CRH: variants seen among roughly 807,000 people sequenced by gnomAD.
CRH encodes the protein corticotropin-releasing hormone.
CRH carries 6 observed loss-of-function variants against 11.1 expected under a neutral mutation model. The observed-to-expected ratio is 0.54, with a 90% CI of 0.30 to 1.07. CRH has a LOEUF of 1.07. Among genes scored for constraint, CRH ranks in the 50% least tolerant of loss-of-function variants. The probability of loss-of-function intolerance (pLI) is 0.07; values close to 1 mark genes in which losing one functional copy is unlikely to be tolerated. For synonymous variants in CRH, 155 were observed against 132.0 expected (o/e 1.17, Z -1.19); for missense variants, 289 against 269.4 (o/e 1.07, Z -0.51).
chr8:66,176,776 C>T lies in CRH; in HGVS notation c.*111G>A. 7.5e-7 allele frequency: 1 copy of T among 1,337,676 alleles called. No homozygotes were observed. Among genetic ancestry groups the T allele is most frequent in the Non-Finnish European group, 9.9e-7 (1 of 1,011,760 alleles). 82.9% of individuals were successfully genotyped at this position (1,337,676 alleles called of 1,614,324 possible). ...TCCCTCTCTCCCTCTATGTTTCAAGCTATATAAAAATAAACAAATGGCATA... is the reference window on the plus strand; with the variant it reads ...TCCCTCTCTCCCTCTATGTTTCAAGTTATATAAAAATAAACAAATGGCATA... On this transcript the variant is annotated 3_prime_UTR_variant, in exon 2 of 2. Transcript: ENST00000276571.
chr8:66,176,759 TC>T lies in CRH; in HGVS notation c.*127del. 8.3e-7 allele frequency: 1 copy of T among 1,207,324 alleles called. No homozygotes were observed. Among genetic ancestry groups the T allele is most frequent in the Non-Finnish European group, 1.1e-6 (1 of 900,316 alleles). The allele number at this position is 1,207,324 out of a possible 1,614,324, so 74.8% of individuals were successfully genotyped here. Reference sequence around the variant, plus strand: ...AAGGGGTATAGGCTCTCTCCCTCTCTCCCTCTATGTTTCAAGCTATATAAAA... The same window carrying T: ...AAGGGGTATAGGCTCTCTCCCTCTCTCCTCTATGTTTCAAGCTATATAAAA... On this transcript the variant is annotated 3_prime_UTR_variant, in exon 2 of 2. Transcript: ENST00000276571.
rs898499420 is a variant in CRH, at chr8:66,178,454, C to T, written c.-176G>A. 3 of 152,234 alleles carry T rather than the reference C, an allele frequency of 2.0e-5. No homozygotes were observed. Among genetic ancestry groups the T allele is most frequent in the Non-Finnish European group, 4.4e-5 (3 of 68,070 alleles). 9.4% of individuals were successfully genotyped at this position (152,234 alleles called of 1,614,324 possible). A position where few individuals can be genotyped will look rare whatever the true frequency, so the allele number is the denominator to read the frequency against. The stretch of plus-strand genomic sequence containing the variant: ...CTCAGTCTCTCAATGGACTTGGTCT[C>T]TGAGTTTCTCCACTCCAGAGCCTGG... On this transcript the variant is annotated 5_prime_UTR_variant, in exon 1 of 2. Coordinates refer to ENST00000276571, the MANE Select transcript of CRH (RefSeq NM_000756.4).
At chr8:66,178,113 C>T (rs536432570) in intron 1 of CRH, among the ~76,000 whole-genome samples, 180 bp downstream of exon 1, 1 of 152,220 alleles carries the variant, frequency 6.6e-6, no homozygotes, top group African/African-American at 2.4e-5. Flanking sequence ...CACACACACA[C>T]GCACGCACGC....
chr8:66,177,452 G>T lies in CRH; in HGVS notation c.26C>A (p.Ala9Glu). The T allele has an allele frequency of 6.5e-7, 1 of 1,537,566 alleles. No individual in the cohort carries two copies. Residue 9 changes from alanine (A) to glutamate (E), a missense_variant, in exon 2 of 2, where the codon GCG becomes GAG. Physicochemically the swap from Ala to Glu is moderately radical, Grantham distance 107. Coordinates refer to ENST00000276571, the MANE Select transcript of CRH (RefSeq NM_000756.4). MRLPLLVS[A>E]GVLLVALLPC... Reference sequence around the variant, plus strand: ...CAGGAGAGCCACCAGCAGGACTCCCGCGGACACAAGCAGCGGCAGCCGCAT... The same window carrying T: ...CAGGAGAGCCACCAGCAGGACTCCCTCGGACACAAGCAGCGGCAGCCGCAT...
In CRH at chr8:66,177,088, C is replaced by A. The variant is rs543848155; in HGVS notation, c.390G>T (p.Ala130=). 13 of 1,595,676 alleles carry A rather than the reference C, an allele frequency of 8.1e-6. No homozygotes were observed. The South Asian group carries it at 1.0e-4, about 12-fold the overall frequency. ...TCCTAGCGCCGCGCTCCGCGAGAGC[C>A]GCGGGGCTGTCGAGCGAGCGCCGAG... ...LLPRRSLDSP[A]ALAERGARNA... The change falls in exon 2 of 2, where the codon GCG becomes GCT. Residue 130 remains alanine, a synonymous_variant. Coordinates refer to ENST00000276571, the MANE Select transcript of CRH (RefSeq NM_000756.4).
At position 66,177,076 on chromosome 8, in the gene CRH, C is replaced by A. The variant is rs761349409; in HGVS notation, c.402G>T (p.Glu134Asp). ...RSLDSPAALA[E>D]RGARNALGGH... The stretch of plus-strand genomic sequence containing the variant: ...CGCCGAGGGCATTCCTAGCGCCGCG[C>A]TCCGCGAGAGCCGCGGGGCTGTCGA... The change falls in exon 2 of 2, where the codon GAG (glutamate) becomes GAT (aspartate). Residue 134 changes from glutamate to aspartate, a missense_variant. Glu to Asp is a conservative substitution (Grantham distance 45, BLOSUM62 2). Coordinates refer to ENST00000276571, the MANE Select transcript of CRH (RefSeq NM_000756.4). 1 of 1,603,814 alleles carries A rather than the reference C, an allele frequency of 6.2e-7. No homozygotes were observed. The highest frequency in any genetic ancestry group is 8.5e-7 in the Non-Finnish European group (1 of 1,174,390).
At chr8:66,178,073 A>C (rs73693933) in intron 1 of CRH, among the ~76,000 whole-genome samples, 3,991 of 152,158 alleles carry the variant, frequency 0.026, 167 homozygotes, top group African/African-American at 0.086. Flanking sequence ...TACTATTGTA[A>C]TCTTAAGGAA....
intron 1 of CRH, among the ~76,000 whole-genome samples, 181 bp from the exon 2 acceptor site, chr8:66,177,672 G>A (rs1357232829): frequency 6.6e-6 from 1 of 152,210 alleles, no homozygotes; most frequent in African/African-American, 2.4e-5. Context: ...AAGCGCCTGG[G>A]GAGCGGGGAA....
Position 66,176,830 on chromosome 8 carries a change from AT to A in CRH, c.*56del. 6.5e-7 allele frequency: 1 copy of A among 1,528,034 alleles called. No individual in the cohort carries two copies. Among genetic ancestry groups the A allele is most frequent in the Non-Finnish European group, 8.8e-7 (1 of 1,139,654 alleles). 94.7% of individuals were successfully genotyped at this position (1,528,034 alleles called of 1,614,324 possible). A position where few individuals can be genotyped will look rare whatever the true frequency, so the allele number is the denominator to read the frequency against. ...GCAGCGCTATGGTACAGAATACTGT[AT>A]TTTTTTAAATTTTTTTTGTGCTAAA... On this transcript the variant is annotated 3_prime_UTR_variant, in exon 2 of 2. Coordinates refer to ENST00000276571, the MANE Select transcript of CRH (RefSeq NM_000756.4).
rs1206150244 is a variant in CRH, at chr8:66,177,447, C to G, written c.31G>C (p.Val11Leu). Residue 11 changes from valine to leucine, a missense_variant, in exon 2 of 2, where the codon GTC becomes CTC. Coordinates refer to ENST00000276571, the MANE Select transcript of CRH (RefSeq NM_000756.4). The part of the protein sequence containing the change: MRLPLLVSAG[V>L]LLVALLPCPP... ...CAGGGCAGGAGAGCCACCAGCAGGACTCCCGCGGACACAAGCAGCGGCAGC... is the reference window on the plus strand; with the variant it reads ...CAGGGCAGGAGAGCCACCAGCAGGAGTCCCGCGGACACAAGCAGCGGCAGC... 1 of 1,538,100 alleles carries G rather than the reference C, an allele frequency of 6.5e-7. No individual in the cohort carries two copies. The highest frequency in any genetic ancestry group is 8.7e-7 in the Non-Finnish European group (1 of 1,146,924).
Position 66,177,315 on chromosome 8 carries a change from G to C in CRH, c.163C>G (p.Gln55Glu). ...GGCCGAGCCTGCGGCTGCTGGGGCT[G>C]CTCGGACTGCGGCGGCGGCTGGAAG... is the stretch of plus-strand genomic sequence containing the variant. ...DFFQPPPQSEQPQQPQARPVL... is the reference protein window; with the variant it reads ...DFFQPPPQSEEPQQPQARPVL... Residue 55 changes from glutamine to glutamate, a missense_variant, in exon 2 of 2, where the codon CAG becomes GAG. By Grantham distance (29) the Gln-to-Glu change is conservative. Coordinates refer to ENST00000276571, the MANE Select transcript of CRH (RefSeq NM_000756.4). 1 of 1,556,450 alleles carries C rather than the reference G, an allele frequency of 6.4e-7. No individual in the cohort carries two copies. The highest frequency in any genetic ancestry group is 1.4e-5 in the African/African-American group (1 of 73,644).
chr8:66,178,036 CT>C (rs765041367), intron 1 of CRH, among the ~76,000 whole-genome samples: 1 of 152,182 alleles, frequency 6.6e-6, no homozygotes, highest in African/African-American at 2.4e-5. Context: ...GAGCAGCCGT[CT>C]AAGTTTGCTT....
At chr8:66,177,641 T>C in intron 1 of CRH, 150 bp from the exon 2 acceptor site, 2 of 1,185,604 alleles carry the variant, frequency 1.7e-6, no homozygotes, top group South Asian at 1.7e-5. Context: ...GTGATTCGGA[T>C]GGGCGCTGTC....
intron 1 of CRH, among the ~76,000 whole-genome samples, 173 bp downstream of exon 1, chr8:66,178,120 A>ACGCG (rs1182728775): frequency 6.6e-6 from 1 of 152,042 alleles, no homozygotes; most frequent in African/African-American, 2.4e-5. Flanking sequence ...ACACGCACGC[A>ACGCG]CGCGCGCATA....
Position 66,176,761 on chromosome 8 carries a change from C to T in CRH, c.*126G>A. On this transcript the variant is annotated 3_prime_UTR_variant, in exon 2 of 2. Transcript: ENST00000276571. The stretch of plus-strand genomic sequence containing the variant: ...GGGGTATAGGCTCTCTCCCTCTCTC[C>T]CTCTATGTTTCAAGCTATATAAAAA... The T allele has an allele frequency of 8.1e-7, 1 of 1,230,504 alleles. No homozygotes were observed. The highest frequency in any genetic ancestry group is 1.1e-6 in the Non-Finnish European group (1 of 920,374). 76.2% of individuals were successfully genotyped at this position (1,230,504 alleles called of 1,614,324 possible). A position where few individuals can be genotyped will look rare whatever the true frequency, so the allele number is the denominator to read the frequency against.
chr8:66,177,102 G>A lies in CRH; in HGVS notation c.376C>T (p.Leu126Phe). The part of the protein sequence containing the change: ...LQQLLLPRRS[L>F]DSPAALAERG... ...TCCGCGAGAGCCGCGGGGCTGTCGA[G>A]CGAGCGCCGAGGCAGCAGCAGCTGC... The change falls in exon 2 of 2, where the codon CTC (leucine) becomes TTC (phenylalanine). Residue 126 changes from leucine (L) to phenylalanine (F), a missense_variant. Around this residue, in one of 2 missense-constraint regions of CRH, gnomAD observed 261 missense variants for 219.0 expected, o/e 1.19. Coordinates refer to ENST00000276571, the MANE Select transcript of CRH (RefSeq NM_000756.4). 6.3e-7 allele frequency: 1 copy of A among 1,582,424 alleles called. No individual in the cohort carries two copies.
intron 1 of CRH, among the ~76,000 whole-genome samples, chr8:66,178,077 T>G (rs1811933788): frequency 6.6e-6 from 1 of 151,960 alleles, no homozygotes; most frequent in South Asian, 2.1e-4. Context: ...ATTGTAATCT[T>G]AAGGAATAGT....
chr8:66,176,898 T>G lies in CRH; in HGVS notation c.580A>C (p.Ile194Leu). The change falls in exon 2 of 2, where the codon ATT (isoleucine) becomes CTT (leucine). Residue 194 changes from isoleucine to leucine, a missense_variant. By Grantham distance (5) the Ile-to-Leu change is conservative. Transcript: ENST00000276571. ...CCAAACGCACCGTTTTATTTCCCAATAATCTCCATGAGTTTCCTGTTGCTG... is the reference window on the plus strand; with the variant it reads ...CCAAACGCACCGTTTTATTTCCCAAGAATCTCCATGAGTTTCCTGTTGCTG... ...AHSNRKLMEI[I>L]GK The G allele has an allele frequency of 6.3e-7, 1 of 1,592,472 alleles. No homozygotes were observed. Among genetic ancestry groups the G allele is most frequent in the Non-Finnish European group, 8.6e-7 (1 of 1,168,750 alleles).
In CRH at chr8:66,177,382, C is replaced by T. The variant is rs1183591676; in HGVS notation, c.96G>A (p.Pro32=). The change falls in exon 2 of 2, where the codon CCG becomes CCA. Residue 32 remains proline (P), a synonymous_variant. Coordinates refer to ENST00000276571, the MANE Select transcript of CRH (RefSeq NM_000756.4). The part of the protein sequence containing the change: ...CRALLSRGPV[P]GARQAPQHPQ... Reference sequence around the variant, plus strand: ...GGTGCTGCGGCGCCTGCCGAGCTCCCGGGACCGGCCCGCGGCTCAGGAGCG... The same window carrying T: ...GGTGCTGCGGCGCCTGCCGAGCTCCTGGGACCGGCCCGCGGCTCAGGAGCG... 1.3e-6 allele frequency: 2 copies of T among 1,540,080 alleles called. No homozygotes were observed. The highest frequency in any genetic ancestry group is 1.7e-6 in the Non-Finnish European group (2 of 1,146,854).
Sources: gnomAD v4.1 joint callset for allele counts (sites outside exome capture counted in the v4.1 genomes callset) on GRCh38, gnomAD v4.1.1 for gene constraint, gnomAD v4.1.1 regional missense constraint, MANE v1.5 for transcripts, NCBI Gene and HGNC (gene_info 2026-07-23, HGNC 2026-07-21) for gene names.